The following PLEKHA7 variants were observed in gnomAD, a reference collection of about 807,000 sequenced individuals.
PLEKHA7 encodes the protein pleckstrin homology domain-containing family A member 7.
PLEKHA7 carries 104 observed loss-of-function variants against 170.0 expected under a neutral mutation model. That is an observed-to-expected ratio of 0.61 (90% CI 0.52 to 0.72). PLEKHA7 has a LOEUF of 0.72. PLEKHA7 is among the 30% of genes least tolerant of loss of function. PLEKHA7 has a pLI of 0.00. For missense variants in PLEKHA7, 1,615 were observed against 1,671.7 expected, an observed-to-expected ratio of 0.97 and a Z score of 0.59; for synonymous variants, 648 against 660.8, an observed-to-expected ratio of 0.98 and a Z score of 0.30.
chr11:16,785,340 C>A (rs1849324149), intron 24 of PLEKHA7, among the ~76,000 whole-genome samples: 2 of 152,212 alleles, frequency 1.3e-5, no homozygotes, highest in Admixed American at 1.3e-4. Context: ...TCCTCTTGTG[C>A]AGTTTCCAGG....
intron 3 of PLEKHA7, among the ~76,000 whole-genome samples, chr11:17,001,288 T>C (rs1590824069): frequency 6.6e-6 from 1 of 152,084 alleles, no homozygotes. Context: ...TGGAGTCTGG[T>C]GACTGAACAG....
At chr11:16,940,829 G>A (rs1444793672) in intron 3 of PLEKHA7, among the ~76,000 whole-genome samples, 1 of 152,076 alleles carries the variant, frequency 6.6e-6, no homozygotes, top group Non-Finnish European at 1.5e-5. Flanking sequence ...ATGGAGCCCT[G>A]AATTAAAGCT....
chr11:16,892,454 G>GTT (rs1262529879), intron 3 of PLEKHA7, among the ~76,000 whole-genome samples: 22 of 112,368 alleles, frequency 2.0e-4, no homozygotes, highest in Non-Finnish European at 3.7e-4. Flanking sequence ...GTTTTGTTTT[G>GTT]TTTTGTTTTG....
At chr11:16,860,234 A>G (rs1853830388) in intron 4 of PLEKHA7, among the ~76,000 whole-genome samples, 2 of 152,212 alleles carry the variant, frequency 1.3e-5, no homozygotes, top group South Asian at 4.1e-4. Context: ...CCCTATATAT[A>G]AAAGGAGTGC....
chr11:16,946,778 G>A (rs1445493595), intron 3 of PLEKHA7, among the ~76,000 whole-genome samples: 1 of 151,868 alleles, frequency 6.6e-6, no homozygotes, highest in Non-Finnish European at 1.5e-5. Flanking sequence ...TGTTAGACTC[G>A]GGCTCCAGCA....
intron 3 of PLEKHA7, among the ~76,000 whole-genome samples, chr11:16,967,555 C>T (rs1221925290): frequency 6.6e-6 from 1 of 152,212 alleles, no homozygotes; most frequent in Non-Finnish European, 1.5e-5. Context: ...GGGCCCACCC[C>T]TCACAAGGCA....
intron 3 of PLEKHA7, among the ~76,000 whole-genome samples, chr11:16,980,204 G>A (rs528399114): frequency 6.6e-6 from 1 of 152,346 alleles, no homozygotes; most frequent in Non-Finnish European, 1.5e-5. Context: ...AATCACAATA[G>A]CAAGAACAGC....
intron 3 of PLEKHA7, among the ~76,000 whole-genome samples, chr11:16,974,280 A>AG (rs1170958545): frequency 1.4e-5 from 2 of 143,358 alleles, no homozygotes; most frequent in African/African-American, 5.2e-5. Context: ...AAAAAAAAAA[A>AG]ATTGTTCAGA....
At chr11:16,800,670 C>T (rs1848535990) in intron 17 of PLEKHA7, among the ~76,000 whole-genome samples, 1 of 152,212 alleles carries the variant, frequency 6.6e-6, no homozygotes. Context: ...ATGGATCACT[C>T]TGTGATTACT....
chr11:16,789,003 T>C lies in PLEKHA7; in HGVS notation c.3357+93A>G. The C allele has an allele frequency of 2.1e-6, 3 of 1,438,566 alleles. No individual in the cohort carries two copies. The highest frequency in any genetic ancestry group is 2.8e-6 in the Non-Finnish European group (3 of 1,066,328). 89.1% of individuals were successfully genotyped at this position (1,438,566 alleles called of 1,614,324 possible). ...CCATGTAGGTCAATGGACAGCTCTCTCACTGGGAGGTGTGATGTGCTTGTG... is the reference window on the plus strand; with the variant it reads ...CCATGTAGGTCAATGGACAGCTCTCCCACTGGGAGGTGTGATGTGCTTGTG... On this transcript the variant is annotated intron_variant, in intron 23 of 26. Coordinates refer to ENST00000531066, the MANE Select transcript of PLEKHA7 (RefSeq NM_001329630.2). This position sits in a 1 kb window ranked among gnomAD's most constrained non-coding sequence, Gnocchi z 4.6.
chr11:16,808,618 T>G (rs1849150038), intron 13 of PLEKHA7, among the ~76,000 whole-genome samples: 1 of 152,134 alleles, frequency 6.6e-6, no homozygotes, highest in African/African-American at 2.4e-5. Context: ...TGACGGCACA[T>G]CCCTCACTGA....
chr11:17,011,321 C>T (rs1184974434), intron 3 of PLEKHA7, among the ~76,000 whole-genome samples: 3 of 152,198 alleles, frequency 2.0e-5, no homozygotes, highest in African/African-American at 7.2e-5. Context: ...ACTGCCCCGT[C>T]TCTTTACTGC....
chr11:16,922,827 G>A (rs1859196616), intron 3 of PLEKHA7, among the ~76,000 whole-genome samples: 1 of 152,168 alleles, frequency 6.6e-6, no homozygotes, highest in South Asian at 2.1e-4. Flanking sequence ...TAAGGAGCTG[G>A]TGCAGAGGAG....
At chr11:17,013,959 G>C in intron 3 of PLEKHA7, 30 bp downstream of exon 3, 1 of 1,526,482 alleles carries the variant, frequency 6.6e-7, no homozygotes, top group Admixed American at 2.0e-5. Context: ...CCGCGGCACA[G>C]GTGCGAGCGC....
intron 9 of PLEKHA7, among the ~76,000 whole-genome samples, chr11:16,827,823 C>T (rs1850779048): frequency 8.7e-6 from 1 of 115,530 alleles, no homozygotes; most frequent in African/African-American, 2.9e-5. Flanking sequence ...AGCTATACTC[C>T]ATGGTTAAAA....
intron 3 of PLEKHA7, among the ~76,000 whole-genome samples, chr11:16,898,425 C>G (rs1326978621): frequency 6.6e-6 from 1 of 152,164 alleles, no homozygotes; most frequent in African/African-American, 2.4e-5. Flanking sequence ...AGGAGCAGAT[C>G]TGGACTTGAA....
At chr11:16,952,177 C>A (rs548036945) in intron 3 of PLEKHA7, among the ~76,000 whole-genome samples, 1 of 152,278 alleles carries the variant, frequency 6.6e-6, no homozygotes, top group South Asian at 2.1e-4. Context: ...CATTTCCATG[C>A]AACTCTGAGT....
Position 16,791,279 on chromosome 11 carries a change from T to G in PLEKHA7, c.2746-80A>C, listed in dbSNP as rs1590130051. 7.3e-7 allele frequency: 1 copy of G among 1,369,232 alleles called. No homozygotes were observed. The highest frequency in any genetic ancestry group is 2.4e-5 in the East Asian group (1 of 41,100). 84.8% of individuals were successfully genotyped at this position (1,369,232 alleles called of 1,614,324 possible). A position where few individuals can be genotyped will look rare whatever the true frequency, so the allele number is the denominator to read the frequency against. ...CTGCTAGGTACTGCCACAGTGGAGG[T>G]TTAAAGGGTAGGAACAGGCCACATC... On this transcript the variant is annotated intron_variant, in intron 19 of 26. Coordinates refer to ENST00000531066, the MANE Select transcript of PLEKHA7 (RefSeq NM_001329630.2). This position sits in a 1 kb window ranked among gnomAD's most constrained non-coding sequence, Gnocchi z 4.5.
At chr11:16,923,696 A>G (rs1384624602) in intron 3 of PLEKHA7, among the ~76,000 whole-genome samples, 1 of 151,932 alleles carries the variant, frequency 6.6e-6, no homozygotes, top group Non-Finnish European at 1.5e-5. Context: ...CAGTGCTAAA[A>G]TCTGCCTTCC....
Sources: allele counts gnomAD v4.1 joint callset (sites outside exome capture counted in the v4.1 genomes callset), GRCh38; gene constraint gnomAD v4.1.1; non-coding constraint Gnocchi (gnomAD v3.1); transcripts MANE v1.5; gene names NCBI Gene and HGNC (gene_info 2026-07-23, HGNC 2026-07-21).